Variants in DNAJC3 observed in about 807,000 individuals in gnomAD.
The protein encoded by DNAJC3 is DnaJ heat shock protein family (Hsp40) member C3, also known as dnaJ homolog subfamily C member 3.
Under a neutral mutation model 68.6 loss-of-function variants are expected in DNAJC3, and 38 were observed. The observed-to-expected ratio is 0.55, with a 90% confidence interval of 0.43 to 0.73. DNAJC3 has a LOEUF of 0.73. Ranked by LOEUF, DNAJC3 falls within the 30% of genes least tolerant of loss-of-function variation. The pLI is 0.00. For synonymous variants in DNAJC3, 203 were observed against 204.0 expected, an observed-to-expected ratio of 1.00 and a Z score of 0.04; for missense variants, 526 against 591.9, an observed-to-expected ratio of 0.89 and a Z score of 1.16.
intron 1 of DNAJC3, among the ~76,000 whole-genome samples, chr13:95,682,111 A>T (rs951903860): frequency 2.6e-5 from 4 of 152,212 alleles, no homozygotes; most frequent in Admixed American, 2.6e-4. Flanking sequence ...TTTCAACCTG[A>T]ATTTTGGAGA....
chr13:95,684,717 C>T (rs1283351754), intron 1 of DNAJC3, among the ~76,000 whole-genome samples: 1 of 152,212 alleles, frequency 6.6e-6, no homozygotes, highest in Non-Finnish European at 1.5e-5. Flanking sequence ...GTTTCCTGGG[C>T]CAGGGCCCTG....
intron 1 of DNAJC3, among the ~76,000 whole-genome samples, chr13:95,698,981 A>G (rs898639301): frequency 3.9e-5 from 6 of 152,328 alleles, no homozygotes; most frequent in African/African-American, 7.2e-5. Context: ...AATTTTTAGT[A>G]TAAGTGCATT....
chr13:95,771,273 T>TA (rs1883149915), intron 9 of DNAJC3, among the ~76,000 whole-genome samples: 1 of 152,240 alleles, frequency 6.6e-6, no homozygotes, highest in Non-Finnish European at 1.5e-5. Flanking sequence ...TAAGGTCTGA[T>TA]ACCCATGCGA....
intron 1 of DNAJC3, among the ~76,000 whole-genome samples, chr13:95,691,201 C>G (rs1213960346): frequency 6.6e-6 from 1 of 151,836 alleles, no homozygotes; most frequent in Non-Finnish European, 1.5e-5. Context: ...GGCTGACCCC[C>G]CCACCTCCCT....
chr13:95,740,585 C>A (rs1882103424), intron 4 of DNAJC3, among the ~76,000 whole-genome samples: 1 of 152,178 alleles, frequency 6.6e-6, no homozygotes, highest in Non-Finnish European at 1.5e-5. Flanking sequence ...CAGGTGCTGT[C>A]CGTCACCCCT....
At chr13:95,691,427 G>T (rs1880256961) in intron 1 of DNAJC3, among the ~76,000 whole-genome samples, 1 of 151,574 alleles carries the variant, frequency 6.6e-6, no homozygotes, top group Non-Finnish European at 1.5e-5. Flanking sequence ...GGGCGGCAGG[G>T]CAGAGGTGCT....
In DNAJC3 at chr13:95,787,048, T is replaced by C. The variant is rs774135777; in HGVS notation, c.1250T>C (p.Leu417Ser). The C allele has an allele frequency of 6.2e-6, 10 of 1,612,254 alleles. No homozygotes were observed. ...KQEIIKAYRK[L>S]ALQWHPDNFQ... ...GAAATTATTAAAGCATACCGAAAAT[T>C]AGCACTGCAGTGGCACCCAGATAAC... Residue 417 changes from leucine to serine, a missense_variant, in exon 11 of 12, where the codon TTA becomes TCA. By Grantham distance (145) the Leu-to-Ser change is moderately radical. Transcript: ENST00000602402.
chr13:95,775,908 T>A (rs1424671205), intron 9 of DNAJC3, among the ~76,000 whole-genome samples: 1 of 152,192 alleles, frequency 6.6e-6, no homozygotes, highest in Non-Finnish European at 1.5e-5. Flanking sequence ...AACCTATGCC[T>A]CTGTCTTACT....
chr13:95,765,531 A>G (rs767104512), intron 9 of DNAJC3, among the ~76,000 whole-genome samples: 2 of 151,954 alleles, frequency 1.3e-5, no homozygotes, highest in Non-Finnish European at 2.9e-5. Flanking sequence ...TTCTGGAAGA[A>G]AAAGATGCTT....
intron 1 of DNAJC3, among the ~76,000 whole-genome samples, chr13:95,702,092 T>C (rs541042081): frequency 2.6e-5 from 4 of 152,228 alleles, no homozygotes; most frequent in Non-Finnish European, 5.9e-5. Flanking sequence ...TTAACAGGCA[T>C]ATAACCAACT....
intron 9 of DNAJC3, among the ~76,000 whole-genome samples, chr13:95,774,124 T>A (rs1883237899): frequency 6.6e-6 from 1 of 152,222 alleles, no homozygotes; most frequent in Non-Finnish European, 1.5e-5. Flanking sequence ...GCTCTTTAGT[T>A]CCTTAGACTT....
chr13:95,748,476 T>G (rs993676478), intron 4 of DNAJC3, among the ~76,000 whole-genome samples: 8 of 152,214 alleles, frequency 5.3e-5, no homozygotes, highest in African/African-American at 1.9e-4. Flanking sequence ...AATTCTTTAA[T>G]GCAGAAAGGA....
At position 95,794,944 on chromosome 13, in the gene DNAJC3, C is replaced by G. The variant is rs1566524561; in HGVS notation, c.*3914C>G. ...CAAATATGGGTACTATTTTTATGCCCGTGTATTTTCACATTTAATAAAAAT... is the reference window on the plus strand; with the variant it reads ...CAAATATGGGTACTATTTTTATGCCGGTGTATTTTCACATTTAATAAAAAT... On this transcript the variant is annotated 3_prime_UTR_variant, in exon 12 of 12. Transcript: ENST00000602402. The G allele has an allele frequency of 6.6e-6, 1 of 152,096 alleles. No homozygotes were observed. The highest frequency in any genetic ancestry group is 1.9e-4 in the East Asian group (1 of 5,192). 9.4% of individuals were successfully genotyped at this position (152,096 alleles called of 1,614,324 possible).
intron 1 of DNAJC3, among the ~76,000 whole-genome samples, chr13:95,681,001 G>C (rs958841916): frequency 6.6e-6 from 1 of 152,200 alleles, no homozygotes; most frequent in South Asian, 2.1e-4. Flanking sequence ...AGTCAGCAAA[G>C]GCTTTTACTA....
intron 1 of DNAJC3, chr13:95,695,552 A>C (rs1880414042): frequency 6.6e-6 from 1 of 152,252 alleles, no homozygotes; most frequent in African/African-American, 2.4e-5. Context: ...TCTGAATTTT[A>C]GTGGCGGACT....
At chr13:95,752,281 A>G (rs1882503041) in intron 4 of DNAJC3, among the ~76,000 whole-genome samples, 1 of 152,190 alleles carries the variant, frequency 6.6e-6, no homozygotes, top group African/African-American at 2.4e-5. Context: ...AAATTTGAGA[A>G]ATTAAAATAA....
chr13:95,742,933 C>G, intron 4 of DNAJC3: 1 of 454,556 alleles, frequency 2.2e-6, no homozygotes, highest in Non-Finnish European at 4.4e-6. Flanking sequence ...AGCCCATAGT[C>G]TATTTGAGTT....
At chr13:95,759,996 C>T (rs768872830) in intron 5 of DNAJC3, 44 bp from the exon 6 acceptor site, 1 of 1,493,764 alleles carries the variant, frequency 6.7e-7, no homozygotes, top group Admixed American at 2.2e-5. Context: ...AATGAATGTG[C>T]ATAATTTATT....
chr13:95,744,478 A>G (rs1882244208), intron 4 of DNAJC3, among the ~76,000 whole-genome samples: 1 of 152,238 alleles, frequency 6.6e-6, no homozygotes, highest in Non-Finnish European at 1.5e-5. Context: ...ATACAAGCAC[A>G]GGATTCATAT....
Sources: gnomAD v4.1 joint callset for allele counts (sites outside exome capture counted in the v4.1 genomes callset) on GRCh38, gnomAD v4.1.1 for gene constraint, MANE v1.5 for transcripts, NCBI Gene and HGNC (gene_info 2026-07-23, HGNC 2026-07-21) for gene names.